Variants in DMD observed in about 807,000 individuals in gnomAD.
DMD encodes the protein dystrophin, also known as mutant dystrophin.
DMD carries 63 observed loss-of-function variants against 330.1 expected under a neutral mutation model. That is an observed-to-expected ratio of 0.19 (90% confidence interval 0.16 to 0.24). DMD has a LOEUF of 0.24. Among genes scored for constraint, DMD ranks in the 10% least tolerant of loss-of-function variants. The pLI, the probability that DMD is intolerant of heterozygous loss-of-function variation, is 1.00. For synonymous variants in DMD, 1,223 were observed against 959.8 expected (o/e 1.27, Z -5.07); for missense variants, 3,344 against 2,684.1 (o/e 1.25, Z -5.43).
Position 32,011,902 on chromosome X carries a change from T to C in DMD, c.6439-43388A>G, listed in dbSNP as rs756923054. 1.8e-3 allele frequency among the ~76,000 whole-genome samples: 200 copies of C among 111,991 alleles called. 1 individual carries two copies. Among genetic ancestry groups the C allele is most frequent in the African/African-American group, 6.3e-3 (193 of 30,784 alleles). ...AGTTCTCTTTATTATTATTGTTTTT[T>C]AACCATTTTTTCTTCATAGTACTAC... On this transcript the variant is annotated intron_variant, in intron 44 of 78. Transcript: ENST00000357033.
At position 31,968,469 on chromosome X, in the gene DMD, A is replaced by G. The variant is rs768153284; in HGVS notation, c.6484T>C (p.Leu2162=). 2 of 1,208,998 alleles carry G rather than the reference A, an allele frequency of 1.7e-6. No homozygotes were observed. The highest frequency in any genetic ancestry group is 2.2e-6 in the Non-Finnish European group (2 of 894,561). The change falls in exon 45 of 79, where the codon TTG becomes CTG. Residue 2162 remains leucine (L), a synonymous_variant. Transcript: ENST00000357033. ...IGQRQTVVRT[L]NATGEEIIQQ... is the part of the protein sequence containing the mutation. ...ATTATTTCTTCCCCAGTTGCATTCA[A>G]TGTTCTGACAACAGTTTGCCGCTGC... is the stretch of plus-strand genomic sequence containing the variant.
At chrX:32,085,240 G>A (rs1254585783) in intron 44 of DMD, among the ~76,000 whole-genome samples, 1 of 110,713 alleles carries the variant, frequency 9.0e-6, no homozygotes, top group Non-Finnish European at 1.9e-5. Flanking sequence ...AAACACATAT[G>A]TATATGCATA....
At chrX:32,569,610 G>A (rs2052165790) in intron 15 of DMD, among the ~76,000 whole-genome samples, 1 of 111,511 alleles carries the variant, frequency 9.0e-6, no homozygotes. Flanking sequence ...GAGAAGCATT[G>A]ATCCTGTCTG....
chrX:31,567,036 G>A (rs2075505050), intron 55 of DMD, among the ~76,000 whole-genome samples: 2 of 111,341 alleles, frequency 1.8e-5, no homozygotes, highest in Non-Finnish European at 3.8e-5. Context: ...GCTTTGGTGT[G>A]TTGATCTTGT....
rs2043028631 is a variant in DMD, at chrX:32,491,841, G to C, written c.2381-323C>G. ...TCAAAGCTCTGATGGGAGCTGGAAGGCTGCATGAACAAGTAACATTTTGGA... is the reference window on the plus strand; with the variant it reads ...TCAAAGCTCTGATGGGAGCTGGAAGCCTGCATGAACAAGTAACATTTTGGA... On this transcript the variant is annotated intron_variant, in intron 19 of 78. Coordinates refer to ENST00000357033, the MANE Select transcript of DMD (RefSeq NM_004006.3). Among the ~76,000 whole-genome samples, 3 of 111,426 alleles carry C rather than the reference G, an allele frequency of 2.7e-5. No individual in the cohort carries two copies. The South Asian group carries it at 1.1e-3, about 41-fold the overall frequency.
Position 32,664,525 on chromosome X carries a change from GC to G in DMD, c.961-19374del, listed in dbSNP as rs386824656. Among the ~76,000 whole-genome samples the G allele has an allele frequency of 9.6e-3, 1,072 of 111,146 alleles. 20 individuals are homozygous for G. Among genetic ancestry groups the G allele is most frequent in the African/African-American group, 0.033 (1,009 of 30,471 alleles). ...CAAAGTGCTGGGATTACAGGCGTGAGCCACCGCATCCGGCCAAACCTGGCAT... is the reference window on the plus strand; with the variant it reads ...CAAAGTGCTGGGATTACAGGCGTGAGCACCGCATCCGGCCAAACCTGGCAT... On this transcript the variant is annotated intron_variant, in intron 9 of 78. Coordinates refer to ENST00000357033, the MANE Select transcript of DMD (RefSeq NM_004006.3).
intron 7 of DMD, among the ~76,000 whole-genome samples, chrX:32,704,796 G>A (rs2064457134): frequency 8.9e-6 from 1 of 112,145 alleles, no homozygotes; most frequent in Non-Finnish European, 1.9e-5. Flanking sequence ...GCCATAGCCA[G>A]AATGCTCAAA....
chrX:31,968,458 A>T lies in DMD; in HGVS notation c.6495T>A (p.Thr2165=). Residue 2165 remains threonine, a synonymous_variant, in exon 45 of 79, where the codon ACT becomes ACA. Coordinates refer to ENST00000357033, the MANE Select transcript of DMD (RefSeq NM_004006.3). The part of the protein sequence containing the change: ...RQTVVRTLNA[T]GEEIIQQSSK... ...AGGATTGCTGAATTATTTCTTCCCC[A>T]GTTGCATTCAATGTTCTGACAACAG... The T allele has an allele frequency of 3.3e-6, 4 of 1,210,620 alleles. No homozygotes were observed. Among genetic ancestry groups the T allele is most frequent in the Non-Finnish European group, 4.5e-6 (4 of 894,842 alleles).
At chrX:31,866,885 A>G (rs1216686129) in intron 48 of DMD, among the ~76,000 whole-genome samples, 4 of 111,500 alleles carry the variant, frequency 3.6e-5, no homozygotes, top group Admixed American at 9.5e-5. Flanking sequence ...TTGTGGAAGG[A>G]GAGTCTTATG....
At chrX:32,135,153 G>T (rs1412893322) in intron 44 of DMD, among the ~76,000 whole-genome samples, 1 of 111,746 alleles carries the variant, frequency 8.9e-6, no homozygotes, top group African/African-American at 3.3e-5. Context: ...AAACTAAAAG[G>T]TATCCTAGAT....
At chrX:32,523,764 C>G (rs967486752) in intron 17 of DMD, among the ~76,000 whole-genome samples, 2 of 111,180 alleles carry the variant, frequency 1.8e-5, no homozygotes, top group Non-Finnish European at 3.8e-5. Flanking sequence ...ATAGGAATGT[C>G]TGCTATGACC....
chrX:32,764,319 CAT>C (rs1317591197), intron 7 of DMD, among the ~76,000 whole-genome samples: 1 of 111,170 alleles, frequency 9.0e-6, no homozygotes, highest in Non-Finnish European at 1.9e-5. Flanking sequence ...TAACATAAAA[CAT>C]ATAATTCTAA....
At chrX:31,380,835 C>G (rs924799171) in intron 60 of DMD, among the ~76,000 whole-genome samples, 18 of 110,338 alleles carry the variant, frequency 1.6e-4, no homozygotes, top group African/African-American at 5.3e-4. Flanking sequence ...ACCCATCAGG[C>G]TCAGCAAATT....
intron 17 of DMD, among the ~76,000 whole-genome samples, chrX:32,536,902 G>A (rs112193291): frequency 5.3e-4 from 59 of 111,876 alleles, no homozygotes; most frequent in South Asian, 7.5e-4. Flanking sequence ...GATATCCCTC[G>A]GGAGGCTGTA....
intron 1 of DMD, among the ~76,000 whole-genome samples, chrX:33,330,310 T>C (rs911626259): frequency 1.3e-4 from 15 of 111,516 alleles, no homozygotes; most frequent in African/African-American, 4.9e-4. Context: ...TGAAATTGGA[T>C]AAAACCTTAC....
At chrX:33,311,760 A>C (rs1355991343) in intron 1 of DMD, among the ~76,000 whole-genome samples, 1 of 110,184 alleles carries the variant, frequency 9.1e-6, no homozygotes, top group Non-Finnish European at 1.9e-5. Flanking sequence ...ACATATAAAT[A>C]ACAAAAATAT....
intron 22 of DMD, among the ~76,000 whole-genome samples, chrX:32,469,655 T>G (rs2040414843): frequency 9.0e-6 from 1 of 111,616 alleles, no homozygotes; most frequent in Admixed American, 9.6e-5. Flanking sequence ...AGACAATATC[T>G]AGCATATAAC....
At chrX:33,217,267 T>C (rs1454897746) in intron 1 of DMD, among the ~76,000 whole-genome samples, 1 of 111,184 alleles carries the variant, frequency 9.0e-6, no homozygotes, top group African/African-American at 3.3e-5. Context: ...CCAGAAAAAA[T>C]AAGACAAATA....
intron 2 of DMD, among the ~76,000 whole-genome samples, chrX:32,873,083 T>G (rs2083122420): frequency 9.0e-6 from 1 of 111,512 alleles, no homozygotes; most frequent in African/African-American, 3.3e-5. Flanking sequence ...CCTCCGATTC[T>G]TTTAGTTCCC....
Sources: allele counts gnomAD v4.1 joint callset (sites outside exome capture counted in the v4.1 genomes callset), GRCh38; gene constraint gnomAD v4.1.1; transcripts MANE v1.5; gene names NCBI Gene and HGNC (gene_info 2026-07-23, HGNC 2026-07-21).